The following KCNK18 variants were observed in gnomAD, a reference collection of about 807,000 sequenced individuals.
KCNK18 encodes the protein potassium channel subfamily K member 18.
KCNK18 carries 8 observed loss-of-function variants against 11.8 expected under a neutral mutation model. The observed-to-expected ratio is 0.68, with a 90% CI of 0.40 to 1.22. KCNK18 has a LOEUF of 1.22. Ranked by LOEUF, KCNK18 falls within the 50% of genes most tolerant of loss-of-function variation. The pLI is 0.01. For synonymous variants in KCNK18, 208 were observed against 185.8 expected (o/e 1.12, Z -0.97); for missense variants, 442 against 465.4 (o/e 0.95, Z 0.46).
intron 1 of KCNK18, among the ~76,000 whole-genome samples, chr10:117,198,400 C>T (rs540880797): frequency 2.0e-5 from 3 of 152,164 alleles, no homozygotes; most frequent in Non-Finnish European, 4.4e-5. Flanking sequence ...GAGAAGGGGA[C>T]CCCCAATCTC....
At chr10:117,204,294 G>GA (rs1261793805) in intron 2 of KCNK18, among the ~76,000 whole-genome samples, 1 of 148,266 alleles carries the variant, frequency 6.7e-6, no homozygotes, top group Non-Finnish European at 1.5e-5. Context: ...AAAGAAAAAA[G>GA]AAAAAAACCT....
chr10:117,209,982 G>A lies in KCNK18; in HGVS notation c.838G>A (p.Asp280Asn). The part of the protein sequence containing the change: ...DEVGQQVERL[D>N]IPLPIIALIV... ...AGTTGGACAGCAGGTGGAGAGGTTG[G>A]ACATCCCCCTCCCCATCATTGCCCT... The change falls in exon 3 of 3, where the codon GAC becomes AAC. Residue 280 changes from aspartate (D) to asparagine (N), a missense_variant. Physicochemically the swap from Asp to Asn is conservative, Grantham distance 23. Transcript: ENST00000334549. 6.2e-7 allele frequency: 1 copy of A among 1,614,150 alleles called. No homozygotes were observed. Among genetic ancestry groups the A allele is most frequent in the Admixed American group, 1.7e-5 (1 of 60,008 alleles).
At chr10:117,202,045 C>T (rs1043344630) in intron 2 of KCNK18, among the ~76,000 whole-genome samples, 4 of 152,208 alleles carry the variant, frequency 2.6e-5, no homozygotes, top group Non-Finnish European at 5.9e-5. Context: ...TCACCAGGAG[C>T]GTGGCCCATC....
chr10:117,209,280 TC>T (rs1445894768), intron 2 of KCNK18, among the ~76,000 whole-genome samples: 1 of 152,142 alleles, frequency 6.6e-6, no homozygotes, highest in Non-Finnish European at 1.5e-5. Context: ...TATCAGTTGC[TC>T]CTTATCCTAA....
chr10:117,204,270 C>CAAAAAAAA (rs61016831), intron 2 of KCNK18, among the ~76,000 whole-genome samples: 8 of 116,474 alleles, frequency 6.9e-5, no homozygotes, highest in East Asian at 2.7e-4. Flanking sequence ...GGCAGAGTCT[C>CAAAAAAAA]AAAAAAAAAA....
At chr10:117,202,898 T>TTTTTTC (rs1855032232) in intron 2 of KCNK18, among the ~76,000 whole-genome samples, 1 of 145,292 alleles carries the variant, frequency 6.9e-6, no homozygotes. Context: ...TTTTTTTTTT[T>TTTTTTC]TTTTTTTTTT....
chr10:117,201,129 C>A (rs754432323), intron 1 of KCNK18, 30 bp from the exon 2 acceptor site: 1 of 1,613,908 alleles, frequency 6.2e-7, no homozygotes, highest in South Asian at 1.1e-5. Flanking sequence ...AGAACCTTTT[C>A]CTCAAACTCT....
At chr10:117,201,063 G>T in intron 1 of KCNK18, 96 bp from the exon 2 acceptor site, 2 of 1,473,498 alleles carry the variant, frequency 1.4e-6, no homozygotes, top group Non-Finnish European at 1.9e-6. Context: ...CAAAGGGGCT[G>T]CTGGTCCTTG....
intron 1 of KCNK18, 45 bp downstream of exon 1, chr10:117,197,756 C>A: frequency 1.3e-6 from 2 of 1,547,242 alleles, no homozygotes; most frequent in South Asian, 1.1e-5. Context: ...TCCGTGGTGG[C>A]AGCAGTCCCC....
At chr10:117,201,008 G>A (rs1855007586) in intron 1 of KCNK18, 151 bp from the exon 2 acceptor site, 5 of 876,488 alleles carry the variant, frequency 5.7e-6, no homozygotes, top group Non-Finnish European at 5.6e-6. Context: ...TATTTTAAAG[G>A]AGGACTCCGA....
chr10:117,204,170 G>T (rs996893770), intron 2 of KCNK18, among the ~76,000 whole-genome samples: 1 of 151,186 alleles, frequency 6.6e-6, no homozygotes, highest in East Asian at 1.9e-4. Flanking sequence ...GCTGAGGTGG[G>T]AGCATCACTT....
At chr10:117,201,427 A>C (rs1855013162) in intron 2 of KCNK18, 140 bp downstream of exon 2, 9 of 894,434 alleles carry the variant, frequency 1.0e-5, no homozygotes, top group Admixed American at 6.0e-5. Flanking sequence ...TCTATATTGC[A>C]CACCTACAAA....
chr10:117,201,950 A>AG (rs1338769099), intron 2 of KCNK18, among the ~76,000 whole-genome samples: 52 of 152,156 alleles, frequency 3.4e-4, no homozygotes, highest in Non-Finnish European at 2.9e-5. Flanking sequence ...GCCAGGTTGG[A>AG]GGGGCCAAAC....
At chr10:117,199,794 A>G (rs1014440315) in intron 1 of KCNK18, among the ~76,000 whole-genome samples, 4 of 151,972 alleles carry the variant, frequency 2.6e-5, no homozygotes, top group African/African-American at 9.7e-5. Flanking sequence ...GCTGGTGCCA[A>G]TTAAAAGGAG....
chr10:117,205,371 C>A (rs1855063426), intron 2 of KCNK18, among the ~76,000 whole-genome samples: 2 of 152,192 alleles, frequency 1.3e-5, no homozygotes, highest in Admixed American at 1.3e-4. Context: ...CTCTCTGAGA[C>A]CTGCTTCCTT....
At chr10:117,201,382 C>A in intron 2 of KCNK18, 95 bp downstream of exon 2, 1 of 1,258,448 alleles carries the variant, frequency 7.9e-7, no homozygotes, top group Non-Finnish European at 1.1e-6. Context: ...GGAGATGGCC[C>A]TCCTCTCCCT....
chr10:117,206,345 C>T (rs947118374), intron 2 of KCNK18, among the ~76,000 whole-genome samples: 1 of 152,100 alleles, frequency 6.6e-6, no homozygotes, highest in African/African-American at 2.4e-5. Flanking sequence ...GGTCATATTA[C>T]CTCCTCTTCT....
intron 1 of KCNK18, 60 bp from the exon 2 acceptor site, chr10:117,201,099 C>T (rs1238057460): frequency 1.2e-5 from 19 of 1,603,130 alleles, no homozygotes; most frequent in East Asian, 1.1e-4. Flanking sequence ...TTCACTGGGG[C>T]GGGGCTTGTC....
intron 2 of KCNK18, among the ~76,000 whole-genome samples, chr10:117,203,978 C>G (rs1855046138): frequency 6.6e-6 from 1 of 152,180 alleles, no homozygotes. Context: ...CCATGCCTAG[C>G]CTCCTCAAGA....
Sources: allele counts gnomAD v4.1 joint callset (sites outside exome capture counted in the v4.1 genomes callset), GRCh38; gene constraint gnomAD v4.1.1; transcripts MANE v1.5; gene names NCBI Gene and HGNC (gene_info 2026-07-23, HGNC 2026-07-21).